Variants in MTHFD1 observed in about 807,000 individuals in gnomAD.
MTHFD1 encodes the protein methylenetetrahydrofolate dehydrogenase, cyclohydrolase and formyltetrahydrofolate synthetase 1, also known as C-1-tetrahydrofolate synthase, cytoplasmic.
MTHFD1 carries 44 observed loss-of-function variants against 110.3 expected under a neutral mutation model. The ratio of observed to expected loss-of-function variants is 0.40; its 90% CI spans 0.31 to 0.51. The LOEUF (loss-of-function observed/expected upper bound fraction) is 0.51, where lower values mean the gene tolerates loss of function less well. Among genes scored for constraint, MTHFD1 ranks in the 20% least tolerant of loss-of-function variants. The probability of loss-of-function intolerance (pLI) is 0.60; values close to 1 mark genes in which losing one functional copy is unlikely to be tolerated. For missense variants in MTHFD1, 909 were observed against 1,173.1 expected (o/e 0.77, Z 3.29); for synonymous variants, 402 against 428.8 (o/e 0.94, Z 0.77).
intron 4 of MTHFD1, among the ~76,000 whole-genome samples, chr14:64,413,276 C>T (rs112573024): frequency 0.023 from 3,461 of 152,098 alleles, 115 homozygotes; most frequent in African/African-American, 0.074. Flanking sequence ...CACTTGAACC[C>T]GGGAGGCGGA....
At chr14:64,444,077 C>T (rs1162398586) in intron 21 of MTHFD1, among the ~76,000 whole-genome samples, 1 of 150,478 alleles carries the variant, frequency 6.6e-6, no homozygotes, top group Non-Finnish European at 1.5e-5. Flanking sequence ...GTGGATGCAG[C>T]AGGGCTGAGC....
In MTHFD1 at chr14:64,397,331, C is replaced by T. The variant is rs1353780910; in HGVS notation, c.42-3462C>T. Reference sequence around the variant, plus strand: ...GTTTTGAGACGGAGTCTCAGTGGGTCGCCCAGGCTGGAGTGCAGTGGCGCG... The same window carrying T: ...GTTTTGAGACGGAGTCTCAGTGGGTTGCCCAGGCTGGAGTGCAGTGGCGCG... On this transcript the variant is annotated intron_variant, in intron 1 of 27. Coordinates refer to ENST00000652337, the MANE Select transcript of MTHFD1 (RefSeq NM_005956.4). Among the ~76,000 whole-genome samples the T allele has an allele frequency of 2.0e-5, 3 of 147,734 alleles. No individual in the cohort carries two copies. The East Asian group carries it at 6.1e-4, about 30-fold the overall frequency.
intron 23 of MTHFD1, chr14:64,449,090 C>T (rs568719976): frequency 5.6e-4 from 201 of 357,086 alleles, no homozygotes; most frequent in African/African-American, 4.0e-3. Context: ...TGAGCCACCG[C>T]GCCCAGCCAG....
At chr14:64,442,443 T>C in intron 21 of MTHFD1, 41 bp downstream of exon 21, 2 of 1,607,320 alleles carry the variant, frequency 1.2e-6, no homozygotes, top group Non-Finnish European at 8.5e-7. Context: ...GGCAGTGTGC[T>C]GACGGCCAAA....
intron 2 of MTHFD1, among the ~76,000 whole-genome samples, chr14:64,404,963 TA>T (rs1051539909): frequency 1.0e-3 from 144 of 143,964 alleles, no homozygotes; most frequent in Non-Finnish European, 1.1e-3. Context: ...CGTCTCAATT[TA>T]AAAAAAAAAA....
rs774685348 is a variant in MTHFD1, at chr14:64,458,233, T to C, written c.2738T>C (p.Leu913Pro). The C allele has an allele frequency of 1.2e-5, 19 of 1,612,890 alleles. No homozygotes were observed. Among genetic ancestry groups the C allele is most frequent in the Non-Finnish European group, 1.6e-5 (19 of 1,178,990 alleles). Residue 913 changes from leucine to proline, a missense_variant, in exon 27 of 28, where the codon CTC (leucine) becomes CCC (proline). This residue lies in a region of MTHFD1 where 482 missense variants were observed against 646.0 expected (regional missense o/e 0.75). Transcript: ENST00000652337. ...TCCTAGATGAGCACAATGCCTGGAC[T>C]CCCCACCCGGCCCTGTTTTTATGAT... ...LVGTMSTMPG[L>P]PTRPCFYDID...
chr14:64,419,888 G>A lies in MTHFD1; in HGVS notation c.690G>A (p.Gly230=). The stretch of plus-strand genomic sequence containing the variant: ...TTAAAGGGGAGTGGATCAAACCTGG[G>A]GCAATAGTCATCGACTGTGGAATCA... ...EMVKGEWIKP[G]AIVIDCGINY... The change falls in exon 8 of 28, where the codon GGG becomes GGA. Residue 230 remains glycine (G), a synonymous_variant. Transcript: ENST00000652337. 6.2e-7 allele frequency: 1 copy of A among 1,614,124 alleles called. No homozygotes were observed.
At chr14:64,440,430 A>T (rs2078238774) in intron 18 of MTHFD1, 164 bp downstream of exon 18, 3 of 865,738 alleles carry the variant, frequency 3.5e-6, no homozygotes, top group Non-Finnish European at 5.6e-6. Flanking sequence ...TGAAATGTTT[A>T]AAAAGTACAT....
At chr14:64,439,240 C>T in intron 17 of MTHFD1, 68 bp downstream of exon 17, 1 of 1,144,050 alleles carries the variant, frequency 8.7e-7, no homozygotes, top group Non-Finnish European at 1.3e-6. Context: ...CTCTCCTCCT[C>T]CATCCTCTCT....
chr14:64,455,420 A>G (rs1474384145), intron 26 of MTHFD1, among the ~76,000 whole-genome samples: 5 of 152,208 alleles, frequency 3.3e-5, no homozygotes, highest in Admixed American at 1.3e-4. Flanking sequence ...CAAGGTGTCC[A>G]TTGCTTTCTT....
At chr14:64,413,803 T>C (rs1253987984) in intron 4 of MTHFD1, among the ~76,000 whole-genome samples, 3 of 152,182 alleles carry the variant, frequency 2.0e-5, no homozygotes, top group African/African-American at 7.2e-5. Context: ...TGTAATAAGT[T>C]ATTAGAGTTC....
chr14:64,388,562 C>A, intron 1 of MTHFD1, 94 bp downstream of exon 1: 1 of 1,149,826 alleles, frequency 8.7e-7, no homozygotes, highest in Non-Finnish European at 1.3e-6. Context: ...GGGAGGGACA[C>A]TTGTAGCGGA....
intron 1 of MTHFD1, among the ~76,000 whole-genome samples, chr14:64,389,695 C>G (rs1056962166): frequency 6.6e-6 from 1 of 150,378 alleles, no homozygotes; most frequent in Non-Finnish European, 1.5e-5. Flanking sequence ...GCAACAAGAG[C>G]GAAACTCCGT....
chr14:64,418,411 A>T (rs934839651), intron 7 of MTHFD1, among the ~76,000 whole-genome samples: 1 of 147,606 alleles, frequency 6.8e-6, no homozygotes, highest in African/African-American at 2.5e-5. Context: ...CGATCACACC[A>T]CTGCACTCCA....
At chr14:64,442,222 G>A (rs1273137711) in intron 20 of MTHFD1, 41 bp from the exon 21 acceptor site, 1 of 1,614,198 alleles carries the variant, frequency 6.2e-7, no homozygotes, top group Admixed American at 1.7e-5. Context: ...AACATCAGGG[G>A]AATTGGGATG....
chr14:64,443,171 C>T (rs1001420316), intron 21 of MTHFD1, among the ~76,000 whole-genome samples: 25 of 152,142 alleles, frequency 1.6e-4, no homozygotes, highest in African/African-American at 5.8e-4. Context: ...AGGGTTTGTC[C>T]TAATGTAGCA....
rs143215984 is a variant in MTHFD1, at chr14:64,451,501, A to G, written c.2457+1879A>G. ...CATTCTCCTGTTGAGCTTTGATTTT[A>G]TAGGCAAGTTTTAAAATCTGTTCAG... is the stretch of plus-strand genomic sequence containing the variant. On this transcript the variant is annotated intron_variant, in intron 24 of 27. Transcript: ENST00000652337. Among the ~76,000 whole-genome samples the G allele has an allele frequency of 2.6e-3, 393 of 152,370 alleles. 2 individuals carry two copies. The highest frequency in any genetic ancestry group is 6.8e-3 in the Middle Eastern group (2 of 294).
intron 1 of MTHFD1, among the ~76,000 whole-genome samples, chr14:64,400,388 CA>C (rs918450406): frequency 2.5e-5 from 3 of 118,496 alleles, no homozygotes; most frequent in African/African-American, 6.5e-5. Flanking sequence ...AACTTGGTCT[CA>C]AAAAAAAAGA....
intron 12 of MTHFD1, among the ~76,000 whole-genome samples, chr14:64,429,949 A>G (rs1386102857): frequency 6.6e-6 from 1 of 152,240 alleles, no homozygotes; most frequent in Non-Finnish European, 1.5e-5. Context: ...TACAAGGAAC[A>G]TATTTCTAAA....
Sources: allele counts gnomAD v4.1 joint callset (sites outside exome capture counted in the v4.1 genomes callset), GRCh38; gene constraint gnomAD v4.1.1; regional missense constraint gnomAD v4.1.1; transcripts MANE v1.5; gene names NCBI Gene and HGNC (gene_info 2026-07-23, HGNC 2026-07-21).